The following GATB variants were observed in gnomAD, a reference collection of about 807,000 sequenced individuals.
The protein encoded by GATB is glutamyl-tRNA amidotransferase subunit B.
Under a neutral mutation model 62.3 loss-of-function variants are expected in GATB, and 39 were observed. That is an observed-to-expected ratio of 0.63 (90% CI 0.48 to 0.82). The LOEUF (loss-of-function observed/expected upper bound fraction) is 0.82, where lower values mean the gene tolerates loss of function less well. Among genes scored for constraint, GATB ranks in the 40% least tolerant of loss-of-function variants. GATB has a pLI of 0.00. For missense variants in GATB, 670 were observed against 684.0 expected (o/e 0.98, Z 0.23); for synonymous variants, 276 against 258.9 (o/e 1.07, Z -0.63).
rs184005241 is a variant in GATB, at chr4:151,714,404, C to T, written c.763+1605G>A. Among the ~76,000 whole-genome samples, 42 of 152,352 alleles carry T rather than the reference C, an allele frequency of 2.8e-4. No individual in the cohort carries two copies. The East Asian group carries it at 4.4e-3, about 16-fold the overall frequency. On this transcript the variant is annotated intron_variant, in intron 5 of 12. Coordinates refer to ENST00000263985, the MANE Select transcript of GATB (RefSeq NM_004564.3). ...GGAGAGGGGGCTGATAAAATGCTCA[C>T]AGCACCAAAGGAGCTGGCTCCCTGC...
chr4:151,715,901 G>A, intron 5 of GATB, 108 bp downstream of exon 5: 1 of 1,247,980 alleles, frequency 8.0e-7, no homozygotes, highest in South Asian at 2.2e-5. Flanking sequence ...GGAAAAAATG[G>A]CTGCAAACAA....
chr4:151,740,163 C>T lies in GATB; in HGVS notation c.327+18609G>A, dbSNP rs780934230. On this transcript the variant is annotated intron_variant, in intron 2 of 12. Coordinates refer to ENST00000263985, the MANE Select transcript of GATB (RefSeq NM_004564.3). Reference sequence around the variant, plus strand: ...TTTCTCAGTTGGTTCTGACTCAAGACAGGAAGCGAGTATTATTTTTATTGA... The same window carrying T: ...TTTCTCAGTTGGTTCTGACTCAAGATAGGAAGCGAGTATTATTTTTATTGA... Among the ~76,000 whole-genome samples the T allele has an allele frequency of 7.2e-5, 11 of 152,210 alleles. 1 individual carries two copies. Among genetic ancestry groups the T allele is most frequent in the Admixed American group, 1.3e-4 (2 of 15,286 alleles).
chr4:151,731,961 G>C (rs1460762579), intron 2 of GATB, among the ~76,000 whole-genome samples: 3 of 111,412 alleles, frequency 2.7e-5, no homozygotes, highest in South Asian at 2.5e-4. Flanking sequence ...GGAGGGAAGT[G>C]GGGGGTCAGC....
chr4:151,707,837 C>T (rs1006487377), intron 6 of GATB, 151 bp downstream of exon 6: 3 of 606,126 alleles, frequency 4.9e-6, no homozygotes, highest in South Asian at 2.1e-5. Context: ...TTTCCCACAG[C>T]CACATGAGTG....
At chr4:151,699,163 G>A (rs576597629) in intron 9 of GATB, among the ~76,000 whole-genome samples, 1 of 152,280 alleles carries the variant, frequency 6.6e-6, no homozygotes, top group Admixed American at 6.5e-5. Flanking sequence ...GCAGAGGCAG[G>A]CGGATCACTT....
At chr4:151,748,900 A>G (rs907611293) in intron 2 of GATB, among the ~76,000 whole-genome samples, 14 of 152,266 alleles carry the variant, frequency 9.2e-5, no homozygotes, top group Non-Finnish European at 2.1e-4. Context: ...CAACAGACAC[A>G]TGAAAAAATG....
At position 151,697,965 on chromosome 4, in the gene GATB, A is replaced by G. The variant is rs867407955; in HGVS notation, c.1197+3364T>C. 8.3e-5 allele frequency among the ~76,000 whole-genome samples: 9 copies of G among 109,046 alleles called. 1 individual carries two copies. The highest frequency in any genetic ancestry group is 2.0e-4 in the African/African-American group (4 of 20,082). 71.5% of individuals were successfully genotyped at this position (109,046 alleles called of 152,430 possible). A position where few individuals can be genotyped will look rare whatever the true frequency, so the allele number is the denominator to read the frequency against. On this transcript the variant is annotated intron_variant, in intron 9 of 12. Coordinates refer to ENST00000263985, the MANE Select transcript of GATB (RefSeq NM_004564.3). ...TGTGTGTGTGTGTGTATATATATAT[A>G]TATATATATATATATATATATATAT... is the stretch of plus-strand genomic sequence containing the variant.
At chr4:151,714,738 A>G (rs1414429819) in intron 5 of GATB, among the ~76,000 whole-genome samples, 1 of 152,198 alleles carries the variant, frequency 6.6e-6, no homozygotes, top group African/African-American at 2.4e-5. Flanking sequence ...AGCAATCAAC[A>G]CTTGGAGCAT....
Position 151,707,972 on chromosome 4 carries a change from G to A in GATB, c.877+16C>T, listed in dbSNP as rs1467848657. 8.0e-6 allele frequency: 12 copies of A among 1,503,308 alleles called. No individual in the cohort carries two copies. The highest frequency in any genetic ancestry group is 1.1e-5 in the South Asian group (1 of 88,630). 93.1% of individuals were successfully genotyped at this position (1,503,308 alleles called of 1,614,324 possible). On this transcript the variant is annotated intron_variant, in intron 6 of 12. Transcript: ENST00000263985. ...CAATAGGAAGAAGGACACTAGGAGC[G>A]GCAGCTGGCATTCACCTATGGCTTT...
intron 4 of GATB, 132 bp from the exon 5 acceptor site, chr4:151,716,263 C>T: frequency 1.0e-5 from 7 of 691,682 alleles, no homozygotes; most frequent in South Asian, 2.9e-5. Context: ...TCAATCATTT[C>T]TCTTCCCTCC....
At chr4:151,689,506 T>TC (rs1367022163) in intron 9 of GATB, among the ~76,000 whole-genome samples, 2 of 152,192 alleles carry the variant, frequency 1.3e-5, no homozygotes, top group Non-Finnish European at 2.9e-5. Context: ...GTACCACTTC[T>TC]CCCCCTCTGA....
chr4:151,729,940 C>T (rs1739210845), intron 2 of GATB, among the ~76,000 whole-genome samples: 2 of 152,196 alleles, frequency 1.3e-5, no homozygotes, highest in African/African-American at 4.8e-5. Context: ...TGAATTTTAC[C>T]TCCAGATCAG....
In GATB at chr4:151,731,863, G is replaced by GTGGGGGTC. The variant is rs1739262912; in HGVS notation, c.328-12326_328-12325insGACCCCCA. On this transcript the variant is annotated intron_variant, in intron 2 of 12. Coordinates refer to ENST00000263985, the MANE Select transcript of GATB (RefSeq NM_004564.3). ...GCAGCCGCCCCATCTGAGAAGTGAG[G>GTGGGGGTC]AGCCCCTCCGCCCGGCAGCCACCCA... is the stretch of plus-strand genomic sequence containing the variant. Among the ~76,000 whole-genome samples, 4 of 150,506 alleles carry GTGGGGGTC rather than the reference G, an allele frequency of 2.7e-5. No individual in the cohort carries two copies. In the South Asian group the frequency reaches 8.6e-4, roughly 32 times the overall value.
At chr4:151,737,309 T>C (rs925915996) in intron 2 of GATB, among the ~76,000 whole-genome samples, 10 of 152,208 alleles carry the variant, frequency 6.6e-5, no homozygotes, top group African/African-American at 2.4e-4. Flanking sequence ...GCAAAGAGAC[T>C]GGTGGCACTT....
chr4:151,683,798 CA>C, intron 10 of GATB, among the ~76,000 whole-genome samples: 1 of 152,182 alleles, frequency 6.6e-6, no homozygotes, highest in East Asian at 1.9e-4. Flanking sequence ...TATCCTAAGC[CA>C]AACTTGTCTT....
intron 8 of GATB, 164 bp downstream of exon 8, chr4:151,703,687 G>C: frequency 1.6e-6 from 1 of 645,006 alleles, no homozygotes; most frequent in South Asian, 1.8e-5. Context: ...TACTTCTCTC[G>C]GTATGCATAT....
chr4:151,760,026 T>A (rs1486932136), intron 1 of GATB, among the ~76,000 whole-genome samples: 2 of 152,198 alleles, frequency 1.3e-5, no homozygotes, highest in Non-Finnish European at 2.9e-5. Context: ...TACTTTCCAT[T>A]CACAAGGAAA....
At chr4:151,709,019 G>C (rs1391538350) in intron 5 of GATB, among the ~76,000 whole-genome samples, 3 of 152,196 alleles carry the variant, frequency 2.0e-5, no homozygotes, top group Non-Finnish European at 4.4e-5. Flanking sequence ...ATTTAAAAGA[G>C]AACAGAGTGA....
At chr4:151,684,650 G>A (rs560518344) in intron 10 of GATB, among the ~76,000 whole-genome samples, 3 of 152,314 alleles carry the variant, frequency 2.0e-5, no homozygotes, top group Admixed American at 6.5e-5. Flanking sequence ...CCAGCTAAAC[G>A]TTCTTTGAAC....
Sources: gnomAD v4.1 joint callset for allele counts (sites outside exome capture counted in the v4.1 genomes callset) on GRCh38, gnomAD v4.1.1 for gene constraint, MANE v1.5 for transcripts, NCBI Gene and HGNC (gene_info 2026-07-23, HGNC 2026-07-21) for gene names.